The following ATP6V0B variants were observed in gnomAD, a reference collection of about 807,000 sequenced individuals.
ATP6V0B encodes V-type proton ATPase 21 kDa proteolipid subunit c''.
ATP6V0B carries 4 observed loss-of-function variants against 26.2 expected under a neutral mutation model. The observed-to-expected ratio is 0.15, with a 90% CI of 0.08 to 0.35. The LOEUF (loss-of-function observed/expected upper bound fraction) is 0.35, where lower values mean the gene tolerates loss of function less well. Among genes scored for constraint, ATP6V0B ranks in the 10% least tolerant of loss-of-function variants. The pLI, the probability that ATP6V0B is intolerant of heterozygous loss-of-function variation, is 1.00. For missense variants in ATP6V0B, 175 were observed against 272.5 expected (o/e 0.64, Z 2.52); for synonymous variants, 110 against 105.8 (o/e 1.04, Z -0.24).
chr1:43,976,231 C>G lies in ATP6V0B; in HGVS notation c.200+58C>G. On this transcript the variant is annotated intron_variant, in intron 3 of 7. Transcript: ENST00000472174. The surrounding 1 kb of genome is among the most constrained non-coding windows in gnomAD (Gnocchi z 4.6). ...GGCTGAGTCATGGCAGGTGGTGTCACTGGGGTCTTAGGCATGCTGAGGGCA... is the reference window on the plus strand; with the variant it reads ...GGCTGAGTCATGGCAGGTGGTGTCAGTGGGGTCTTAGGCATGCTGAGGGCA... 1 of 1,609,934 alleles carries G rather than the reference C, an allele frequency of 6.2e-7. No homozygotes were observed. The highest frequency in any genetic ancestry group is 8.5e-7 in the Non-Finnish European group (1 of 1,176,310).
chr1:43,978,138 G>C lies in ATP6V0B; in HGVS notation c.*131G>C. ...CCTCCCTGCACTCCCCTCTTGCTGCGTGTTGATTTGGAGGCACTGCAGTCC... is the reference window on the plus strand; with the variant it reads ...CCTCCCTGCACTCCCCTCTTGCTGCCTGTTGATTTGGAGGCACTGCAGTCC... On this transcript the variant is annotated 3_prime_UTR_variant, in exon 8 of 8. Coordinates refer to ENST00000472174, the MANE Select transcript of ATP6V0B (RefSeq NM_004047.5). 7.3e-7 allele frequency: 1 copy of C among 1,363,618 alleles called. No homozygotes were observed. Among genetic ancestry groups the C allele is most frequent in the South Asian group, 1.2e-5 (1 of 84,744 alleles). The allele number at this position is 1,363,618 out of a possible 1,614,324, so 84.5% of individuals were successfully genotyped here. A position where few individuals can be genotyped will look rare whatever the true frequency, so the allele number is the denominator to read the frequency against.
rs780497975 is a variant in ATP6V0B at position 43,976,755 on chromosome 1, C to T, written c.349-18C>T. 2.5e-6 allele frequency: 4 copies of T among 1,614,146 alleles called. No individual in the cohort carries two copies. The highest frequency in any genetic ancestry group is 2.2e-5 in the East Asian group (1 of 44,888). On this transcript the variant is annotated intron_variant, in intron 5 of 7. Coordinates refer to ENST00000472174, the MANE Select transcript of ATP6V0B (RefSeq NM_004047.5). The surrounding 1 kb of genome is among the most constrained non-coding windows in gnomAD (Gnocchi z 4.6). ...GGTGCATCAGGATGGTTTCTGATTA[C>T]TTTTCTTCTTCCCTCAGCCTTTCAG... is the stretch of plus-strand genomic sequence containing the variant.
At position 43,976,880 on chromosome 1, in the gene ATP6V0B, C is replaced by A; in HGVS notation, c.400+56C>A. ...CTGGGACTTCATGCCTGCTTCCACT[C>A]TCCCCCATCCCAGCTTGGGCCATCA... is the stretch of plus-strand genomic sequence containing the variant. On this transcript the variant is annotated intron_variant, in intron 6 of 7. Transcript: ENST00000472174. This position sits in a 1 kb window ranked among gnomAD's most constrained non-coding sequence, Gnocchi z 4.6. The A allele has an allele frequency of 6.2e-7, 1 of 1,607,280 alleles. No individual in the cohort carries two copies. The highest frequency in any genetic ancestry group is 1.1e-5 in the South Asian group (1 of 90,888).
chr1:43,977,588 GA>G (rs1387157166), intron 7 of ATP6V0B: 92 of 1,421,272 alleles, frequency 6.5e-5, no homozygotes, highest in Non-Finnish European at 6.6e-5. Context: ...TGGTGTGTTT[GA>G]CTGTCTCTCG....
chr1:43,977,581 T>C (rs1037247835), intron 7 of ATP6V0B: 2 of 1,422,656 alleles, frequency 1.4e-6, no homozygotes, highest in African/African-American at 2.9e-5. Context: ...TCTGTCATGG[T>C]GTGTTTGACT....
In ATP6V0B at chr1:43,977,903, G is replaced by T. The variant is rs112442160; in HGVS notation, c.592-78G>T. On this transcript the variant is annotated intron_variant, in intron 7 of 7. Transcript: ENST00000472174. ...GGTCTGTCCATCCAACCATGTGCTA[G>T]ATGTCATCTTCTATCATTTGTCACT... is the stretch of plus-strand genomic sequence containing the variant. 1.5e-4 allele frequency: 245 copies of T among 1,614,070 alleles called. No individual in the cohort carries two copies. In the African/African-American group the frequency reaches 2.8e-3, roughly 19 times the overall value.
Position 43,976,161 on chromosome 1 carries a change from T to C in ATP6V0B, c.188T>C (p.Val63Ala), listed in dbSNP as rs757115025. ...GGCCTAGCTATCTCCCTGTCTGTGG[T>C]TGGGGCAGCCTGGTGAGTATTGGGG... ...GIGLAISLSV[V>A]GAAWGIYITG... Residue 63 changes from valine to alanine, a missense_variant, in exon 3 of 8, where the codon GTT becomes GCT. Around this residue, in one of 3 missense-constraint regions of ATP6V0B, gnomAD observed 75 missense variants for 94.7 expected, o/e 0.79. Transcript: ENST00000472174. This position sits in a 1 kb window ranked among gnomAD's most constrained non-coding sequence, Gnocchi z 4.6. 1 of 1,614,022 alleles carries C rather than the reference T, an allele frequency of 6.2e-7. No individual in the cohort carries two copies. The highest frequency in any genetic ancestry group is 1.7e-5 in the Admixed American group (1 of 60,022).
chr1:43,977,513 T>A, intron 7 of ATP6V0B: 1 of 1,430,478 alleles, frequency 7.0e-7, no homozygotes, highest in South Asian at 1.6e-5. Flanking sequence ...ATGCTTTTCA[T>A]GTCTCCAGTC....
At chr1:43,975,358 C>T (rs2085506263) in intron 1 of ATP6V0B, 1 of 576,806 alleles carries the variant, frequency 1.7e-6, no homozygotes, top group African/African-American at 2.0e-5. Flanking sequence ...TCGCTGTCTC[C>T]CCTCGCTCCC....
Position 43,975,103 on chromosome 1 carries a change from C to A in ATP6V0B, c.63C>A (p.Ala21=). ...TGGCCTTCTGGGCCTGCGCGCTGGC[C>A]GTGGGTGAGGCCGGGTCCTGGCGGG... ...VFVAFWACAL[A]VGVCYTIFDL... is the part of the protein sequence containing the mutation. The change falls in exon 1 of 8, where the codon GCC becomes GCA. Residue 21 remains alanine (A), a synonymous_variant. Coordinates refer to ENST00000472174, the MANE Select transcript of ATP6V0B (RefSeq NM_004047.5). The A allele has an allele frequency of 7.1e-7, 1 of 1,411,472 alleles. No homozygotes were observed. Among genetic ancestry groups the A allele is most frequent in the Non-Finnish European group, 9.2e-7 (1 of 1,088,982 alleles). 87.4% of individuals were successfully genotyped at this position (1,411,472 alleles called of 1,614,324 possible).
In ATP6V0B at chr1:43,974,966, C is replaced by G. The variant is rs1429829631; in HGVS notation, c.-75C>G. 3.1e-5 allele frequency: 36 copies of G among 1,143,722 alleles called. No individual in the cohort carries two copies. Among genetic ancestry groups the G allele is most frequent in the Non-Finnish European group, 3.9e-5 (35 of 896,860 alleles). The allele number at this position is 1,143,722 out of a possible 1,614,324, so 70.8% of individuals were successfully genotyped here. On this transcript the variant is annotated 5_prime_UTR_variant, in exon 1 of 8. Transcript: ENST00000472174. ...CGCTGCGGGGCGGGCGGACAGACTG[C>G]GGGACGGACGGTGGACGCTGGGACG...
rs977053633 is a variant in ATP6V0B at position 43,978,169 on chromosome 1, G to A, written c.*162G>A. 6.8e-6 allele frequency: 7 copies of A among 1,035,126 alleles called. No homozygotes were observed. The highest frequency in any genetic ancestry group is 4.7e-5 in the African/African-American group (3 of 63,266). The allele number at this position is 1,035,126 out of a possible 1,614,324, so 64.1% of individuals were successfully genotyped here. A position where few individuals can be genotyped will look rare whatever the true frequency, so the allele number is the denominator to read the frequency against. On this transcript the variant is annotated 3_prime_UTR_variant, in exon 8 of 8. Transcript: ENST00000472174. Reference sequence around the variant, plus strand: ...ATTTGGAGGCACTGCAGTCCAGGCCGAGTCCTCAGTGCGGGGAGCAGGCTG... The same window carrying A: ...ATTTGGAGGCACTGCAGTCCAGGCCAAGTCCTCAGTGCGGGGAGCAGGCTG...
intron 1 of ATP6V0B, 74 bp downstream of exon 1, chr1:43,975,181 G>T (rs2085503224): frequency 7.2e-7 from 1 of 1,398,406 alleles, no homozygotes; most frequent in Non-Finnish European, 9.3e-7. Context: ...CGGGGAAGTG[G>T]CCTGCGGGGA....
intron 2 of ATP6V0B, 55 bp downstream of exon 2, chr1:43,975,903 T>G (rs1229191970): frequency 2.6e-6 from 4 of 1,542,478 alleles, no homozygotes; most frequent in Non-Finnish European, 3.5e-6. Context: ...GCAGCCTCTC[T>G]TCTTTTCTCT....
chr1:43,976,730 G>C lies in ATP6V0B; in HGVS notation c.349-43G>C. 5.0e-6 allele frequency: 8 copies of C among 1,613,706 alleles called. No individual in the cohort carries two copies. Among genetic ancestry groups the C allele is most frequent in the Non-Finnish European group, 5.1e-6 (6 of 1,179,642 alleles). On this transcript the variant is annotated intron_variant, in intron 5 of 7. Transcript: ENST00000472174. The surrounding 1 kb of genome is among the most constrained non-coding windows in gnomAD (Gnocchi z 4.6). The stretch of plus-strand genomic sequence containing the variant: ...TACACATTCCTTAGAGATTGGATGG[G>C]GTGCATCAGGATGGTTTCTGATTAC...
At chr1:43,975,634 G>A in intron 1 of ATP6V0B, 166 bp from the exon 2 acceptor site, 1 of 748,180 alleles carries the variant, frequency 1.3e-6, no homozygotes, top group Admixed American at 2.3e-5. Flanking sequence ...GCAGAAAATG[G>A]AGGCCTAAGC....
At position 43,975,795 on chromosome 1, in the gene ATP6V0B, T is replaced by A; in HGVS notation, c.68-5T>A. 1.3e-6 allele frequency: 2 copies of A among 1,596,802 alleles called. No individual in the cohort carries two copies. The highest frequency in any genetic ancestry group is 1.7e-6 in the Non-Finnish European group (2 of 1,170,392). On this transcript the variant is annotated splice_region_variant and splice_polypyrimidine_tract_variant and intron_variant, in intron 1 of 7. Transcript: ENST00000472174. ...TAACCCCCTTTTTCTCCCTCACTGCTGCAGGAGTCTGCTACACCATTTTTG... is the reference window on the plus strand; with the variant it reads ...TAACCCCCTTTTTCTCCCTCACTGCAGCAGGAGTCTGCTACACCATTTTTG...
Position 43,978,111 on chromosome 1 carries a change from GCCCT to G in ATP6V0B, c.*109_*112del. The G allele has an allele frequency of 6.6e-7, 1 of 1,516,840 alleles. No individual in the cohort carries two copies. Among genetic ancestry groups the G allele is most frequent in the Non-Finnish European group, 9.1e-7 (1 of 1,094,168 alleles). 94.0% of individuals were successfully genotyped at this position (1,516,840 alleles called of 1,614,324 possible). A position where few individuals can be genotyped will look rare whatever the true frequency, so the allele number is the denominator to read the frequency against. On this transcript the variant is annotated 3_prime_UTR_variant, in exon 8 of 8. Transcript: ENST00000472174. ...GCCTTTCAGAGGCTTGGTGTTCAGG[GCCCT>G]CCCTGCACTCCCCTCTTGCTGCGTG... is the stretch of plus-strand genomic sequence containing the variant.
chr1:43,978,082 C>T lies in ATP6V0B; in HGVS notation c.*75C>T. On this transcript the variant is annotated 3_prime_UTR_variant, in exon 8 of 8. Coordinates refer to ENST00000472174, the MANE Select transcript of ATP6V0B (RefSeq NM_004047.5). ...TCCTGGGACAGCTGGAGCTGTGTCC[C>T]TTAGCCTTTCAGAGGCTTGGTGTTC... 1 of 1,602,936 alleles carries T rather than the reference C, an allele frequency of 6.2e-7. No individual in the cohort carries two copies. The highest frequency in any genetic ancestry group is 1.1e-5 in the South Asian group (1 of 90,882).
Sources: allele counts gnomAD v4.1 joint callset, GRCh38; gene constraint gnomAD v4.1.1; regional missense constraint gnomAD v4.1.1; non-coding constraint Gnocchi (gnomAD v3.1); transcripts MANE v1.5; gene names NCBI Gene and HGNC (gene_info 2026-07-23, HGNC 2026-07-21).